VAV2: variants seen among roughly 807,000 people sequenced by gnomAD.
The protein encoded by VAV2 is vav guanine nucleotide exchange factor 2.
Under a neutral mutation model 132.5 loss-of-function variants are expected in VAV2, and 67 were observed. The ratio of observed to expected loss-of-function variants is 0.51; its 90% CI spans 0.42 to 0.62. The LOEUF (loss-of-function observed/expected upper bound fraction) is 0.62. VAV2 is among the 20% of genes least tolerant of loss of function. VAV2 has a pLI of 0.00. For missense variants in VAV2, 938 were observed against 1,153.6 expected (o/e 0.81, Z 2.71); for synonymous variants, 492 against 443.5 (o/e 1.11, Z -1.37).
At chr9:133,921,498 A>T (rs1399091413) in intron 2 of VAV2, among the ~76,000 whole-genome samples, 4 of 152,300 alleles carry the variant, frequency 2.6e-5, no homozygotes, top group Non-Finnish European at 1.5e-5. Context: ...AAAAAGAAAG[A>T]AAGTTGTGTC....
chr9:133,781,157 C>T (rs929480880), intron 19 of VAV2, among the ~76,000 whole-genome samples: 2 of 152,202 alleles, frequency 1.3e-5, no homozygotes, highest in Non-Finnish European at 1.5e-5. Context: ...TTAGTGATGC[C>T]TGCTGGGGCA....
At chr9:133,847,248 C>A (rs1370797566) in intron 3 of VAV2, among the ~76,000 whole-genome samples, 1 of 152,214 alleles carries the variant, frequency 6.6e-6, no homozygotes. Flanking sequence ...CCCCTCCCAC[C>A]AAGTGGGTGC....
chr9:133,864,162 T>A (rs936935073), intron 2 of VAV2, among the ~76,000 whole-genome samples: 1 of 152,222 alleles, frequency 6.6e-6, no homozygotes, highest in African/African-American at 2.4e-5. Context: ...AACAAACGAA[T>A]GAAGACGCAC....
At chr9:133,989,775 G>T (rs1293616961) in intron 1 of VAV2, among the ~76,000 whole-genome samples, 1 of 152,260 alleles carries the variant, frequency 6.6e-6, no homozygotes, top group East Asian at 1.9e-4. Flanking sequence ...TGTGCAGCCA[G>T]ATGCAGTAAA....
At chr9:133,780,183 GC>G in intron 20 of VAV2, 1 of 549,592 alleles carries the variant, frequency 1.8e-6, no homozygotes, top group Non-Finnish European at 3.2e-6. Context: ...CTTACCACGG[GC>G]CCCCACCTCC....
chr9:133,782,807 C>G (rs567503052), intron 19 of VAV2, among the ~76,000 whole-genome samples: 1 of 152,326 alleles, frequency 6.6e-6, no homozygotes, highest in Admixed American at 6.5e-5. Context: ...GAGGTGACAT[C>G]CTGATGTCTG....
At chr9:133,872,414 G>A (rs1001786885) in intron 2 of VAV2, among the ~76,000 whole-genome samples, 1 of 152,214 alleles carries the variant, frequency 6.6e-6, no homozygotes, top group African/African-American at 2.4e-5. Context: ...AAGGGCTGAT[G>A]GCGTCCTCAC....
At chr9:133,870,376 G>C (rs1209959668) in intron 2 of VAV2, among the ~76,000 whole-genome samples, 1 of 152,224 alleles carries the variant, frequency 6.6e-6, no homozygotes, top group East Asian at 1.9e-4. Context: ...GGGAATGCAT[G>C]AAAGGAGGGT....
At chr9:133,842,363 C>CGGAGT (rs1836759052) in intron 3 of VAV2, among the ~76,000 whole-genome samples, 2 of 152,194 alleles carry the variant, frequency 1.3e-5, no homozygotes, top group African/African-American at 4.8e-5. Context: ...CTCGCCCAGC[C>CGGAGT]GGAGCACTCC....
At chr9:133,888,758 G>A (rs1838811408) in intron 2 of VAV2, among the ~76,000 whole-genome samples, 1 of 152,160 alleles carries the variant, frequency 6.6e-6, no homozygotes, top group Non-Finnish European at 1.5e-5. Flanking sequence ...GTTCCAAAGG[G>A]CGTCATCCCA....
At chr9:133,814,605 A>G (rs949767710) in intron 4 of VAV2, among the ~76,000 whole-genome samples, 10 of 152,244 alleles carry the variant, frequency 6.6e-5, no homozygotes, top group African/African-American at 2.4e-4. Flanking sequence ...AGAGCTGATG[A>G]CATGGATCAA....
intron 2 of VAV2, among the ~76,000 whole-genome samples, chr9:133,899,463 C>T (rs916571948): frequency 6.6e-6 from 1 of 151,796 alleles, no homozygotes; most frequent in African/African-American, 2.4e-5. Flanking sequence ...GGCTGGAGTC[C>T]TATAGCACGA....
At chr9:133,971,921 T>C (rs529600935) in intron 1 of VAV2, among the ~76,000 whole-genome samples, 218 of 152,258 alleles carry the variant, frequency 1.4e-3, no homozygotes, top group South Asian at 3.9e-3. Flanking sequence ...CCCCGAGCCC[T>C]TGGTCACTTC....
intron 2 of VAV2, among the ~76,000 whole-genome samples, chr9:133,907,593 T>C (rs1839705167): frequency 6.6e-6 from 1 of 152,218 alleles, no homozygotes; most frequent in African/African-American, 2.4e-5. Flanking sequence ...TTTTAGGGGA[T>C]GGGAGAAGGC....
chr9:133,837,302 G>A (rs1253830055), intron 3 of VAV2, among the ~76,000 whole-genome samples: 2 of 152,068 alleles, frequency 1.3e-5, no homozygotes, highest in East Asian at 3.9e-4. Flanking sequence ...CTGATGCCTC[G>A]TTAGGGCCTA....
intron 1 of VAV2, among the ~76,000 whole-genome samples, chr9:133,941,019 C>CT (rs376145327): frequency 0.67 from 102,153 of 151,676 alleles, 34,595 homozygotes; most frequent in East Asian, 0.8. Context: ...CTGGTACAGT[C>CT]CTCCAACAGA....
chr9:133,911,568 A>T (rs985712406), intron 2 of VAV2, among the ~76,000 whole-genome samples: 2 of 152,190 alleles, frequency 1.3e-5, no homozygotes, highest in African/African-American at 2.4e-5. Context: ...CACCGGCCCC[A>T]AAATGTTTTC....
intron 3 of VAV2, among the ~76,000 whole-genome samples, chr9:133,838,418 C>G (rs1296374851): frequency 7.6e-6 from 1 of 131,144 alleles, no homozygotes; most frequent in Non-Finnish European, 1.6e-5. Flanking sequence ...TGAGTGGGTG[C>G]ATGGATGTGT....
At chr9:133,792,774 G>A (rs1431143592) in intron 12 of VAV2, among the ~76,000 whole-genome samples, 1 of 148,802 alleles carries the variant, frequency 6.7e-6, no homozygotes, top group African/African-American at 2.5e-5. Context: ...AGACAGGAGG[G>A]CTGAAAAACA....
Sources: gnomAD v4.1 joint callset for allele counts (sites outside exome capture counted in the v4.1 genomes callset) on GRCh38, gnomAD v4.1.1 for gene constraint, MANE v1.5 for transcripts, NCBI Gene and HGNC (gene_info 2026-07-23, HGNC 2026-07-21) for gene names.